The following RASIP1 variants were observed in gnomAD, a reference collection of about 807,000 sequenced individuals.
RASIP1 encodes the protein Ras interacting protein 1.
RASIP1 carries 20 observed loss-of-function variants against 85.3 expected under a neutral mutation model. The ratio of observed to expected loss-of-function variants is 0.23; its 90% CI spans 0.17 to 0.34. RASIP1 has a LOEUF of 0.34. Among genes scored for constraint, RASIP1 ranks in the 10% least tolerant of loss-of-function variants. The pLI, the probability that RASIP1 is intolerant of heterozygous loss-of-function variation, is 1.00. For missense variants in RASIP1, 1,170 were observed against 1,390.9 expected (o/e 0.84, Z 2.53); for synonymous variants, 617 against 647.1 (o/e 0.95, Z 0.71).
rs368475522 is a variant in RASIP1, at chr19:48,720,912, C to A, written c.2778G>T (p.Thr926=). 4.3e-6 allele frequency: 7 copies of A among 1,613,678 alleles called. No homozygotes were observed. In the African/African-American group the frequency reaches 9.3e-5, roughly 22 times the overall value. The part of the protein sequence containing the change: ...SSRLRLTGPV[T]DDALHRELRR... ...GGAGTTCACGGTGCAAGGCATCGTC[C>A]GTCACTGGACCAGTGAGGCGCAGGC... The change falls in exon 12 of 12, where the codon ACG becomes ACT. Residue 926 remains threonine (T), a synonymous_variant. Transcript: ENST00000222145.
intron 4 of RASIP1, among the ~76,000 whole-genome samples, chr19:48,731,390 C>T (rs1451185327): frequency 1.3e-5 from 2 of 152,100 alleles, no homozygotes; most frequent in Admixed American, 6.5e-5. Flanking sequence ...GAGATAACCC[C>T]CCTTCCATCA....
At chr19:48,723,105 C>CA (rs1167063497) in intron 10 of RASIP1, among the ~76,000 whole-genome samples, 2 of 152,044 alleles carry the variant, frequency 1.3e-5, no homozygotes, top group Non-Finnish European at 2.9e-5. Context: ...CAACTGGTGT[C>CA]AAACTCCTGG....
Position 48,729,355 on chromosome 19 carries a change from T to A in RASIP1, c.1415A>T (p.His472Leu). Reference sequence around the variant, plus strand: ...GCCCAGCCCCAGGAGGTCGCCCGGGTGCAGCTCAGCCTCCCGCAGCAGGAG... The same window carrying A: ...GCCCAGCCCCAGGAGGTCGCCCGGGAGCAGCTCAGCCTCCCGCAGCAGGAG... ...GCLLLREAEL[H>L]PGDLLGLGEH... Residue 472 changes from histidine to leucine, a missense_variant, in exon 5 of 12, where the codon CAC becomes CTC. This residue lies in a region of RASIP1 where 426 missense variants were observed against 576.2 expected (regional missense o/e 0.74). Transcript: ENST00000222145. 1 of 1,559,340 alleles carries A rather than the reference T, an allele frequency of 6.4e-7. No individual in the cohort carries two copies. The highest frequency in any genetic ancestry group is 1.2e-5 in the South Asian group (1 of 84,696).
chr19:48,734,485 T>G, intron 4 of RASIP1, among the ~76,000 whole-genome samples: 1 of 56,248 alleles, frequency 1.8e-5, no homozygotes, highest in South Asian at 6.2e-4. Flanking sequence ...GGCTTTTTTT[T>G]CTTTCTTTTT....
Position 48,740,323 on chromosome 19 carries a change from A to T in RASIP1, c.-4-37T>A, listed in dbSNP as rs1410173294. 1 of 1,541,566 alleles carries T rather than the reference A, an allele frequency of 6.5e-7. No individual in the cohort carries two copies. The highest frequency in any genetic ancestry group is 1.4e-5 in the African/African-American group (1 of 70,218). Reference sequence around the variant, plus strand: ...CGGGTAAGGCCCCAACTCCTAAGGCATTCTTGTGGGGATGGGGTGGAGGGA... The same window carrying T: ...CGGGTAAGGCCCCAACTCCTAAGGCTTTCTTGTGGGGATGGGGTGGAGGGA... On this transcript the variant is annotated intron_variant, in intron 1 of 11. Transcript: ENST00000222145. This position sits in a 1 kb window ranked among gnomAD's most constrained non-coding sequence, Gnocchi z 5.5.
At chr19:48,722,300 A>AT (rs71179038) in intron 10 of RASIP1, among the ~76,000 whole-genome samples, 8,635 of 98,330 alleles carry the variant, frequency 0.088, 657 homozygotes, top group South Asian at 0.19. Flanking sequence ...GTACTTGGGG[A>AT]TTTTTTTTTT....
chr19:48,727,488 T>C (rs1045164327), intron 5 of RASIP1, 58 bp from the exon 6 acceptor site: 26 of 1,550,054 alleles, frequency 1.7e-5, no homozygotes, highest in Non-Finnish European at 5.3e-6. Context: ...GGCTTAAGAG[T>C]TAATACCCTG....
chr19:48,733,471 G>A (rs1376545489), intron 4 of RASIP1, among the ~76,000 whole-genome samples: 1 of 152,166 alleles, frequency 6.6e-6, no homozygotes, highest in Non-Finnish European at 1.5e-5. Flanking sequence ...TCCATCAATA[G>A]TGGTCAAATT....
chr19:48,723,813 T>G (rs2033293423), intron 10 of RASIP1, among the ~76,000 whole-genome samples: 1 of 150,678 alleles, frequency 6.6e-6, no homozygotes, highest in South Asian at 2.1e-4. Context: ...CTTTTTTTTT[T>G]TTTTTTTTTC....
In RASIP1 at chr19:48,740,220, C is replaced by A; in HGVS notation, c.63G>T (p.Val21=). Residue 21 remains valine, a synonymous_variant, in exon 2 of 12, where the codon GTG becomes GTT. Transcript: ENST00000222145. This position sits in a 1 kb window ranked among gnomAD's most constrained non-coding sequence, Gnocchi z 5.5. ...TCCTGGGGGAATTGATCCACAGGCC[C>A]ACGGGGAGATGAAGCTTCCCGAAGC... The part of the protein sequence containing the change: ...SPRFGKLHLP[V]GLWINSPRKQ... 2 of 1,590,564 alleles carry A rather than the reference C, an allele frequency of 1.3e-6. No individual in the cohort carries two copies. The highest frequency in any genetic ancestry group is 1.7e-6 in the Non-Finnish European group (2 of 1,172,046).
intron 4 of RASIP1, among the ~76,000 whole-genome samples, chr19:48,731,660 C>T (rs2033460494): frequency 6.6e-6 from 1 of 152,206 alleles, no homozygotes; most frequent in Non-Finnish European, 1.5e-5. Context: ...TCTGAGACAA[C>T]AGGCATCTTG....
rs1568482027 is a variant in RASIP1, at chr19:48,735,343, C to T, written c.1032G>A (p.Gln344=). ...CCCCTGGGGCCATGCTAAGTGCCTGCTGTCTCCGCTCCTGCTGCCGCCGCC... is the reference window on the plus strand; with the variant it reads ...CCCCTGGGGCCATGCTAAGTGCCTGTTGTCTCCGCTCCTGCTGCCGCCGCC... ...GRRRRQQERR[Q]QALSMAPGAA... is the part of the protein sequence containing the mutation. Residue 344 remains glutamine (Q), a synonymous_variant, in exon 4 of 12, where the codon CAG becomes CAA. Coordinates refer to ENST00000222145, the MANE Select transcript of RASIP1 (RefSeq NM_017805.3). 1 of 1,613,400 alleles carries T rather than the reference C, an allele frequency of 6.2e-7. No individual in the cohort carries two copies.
rs1601263870 is a variant in RASIP1, at chr19:48,721,140, C to A, written c.2693-143G>T. On this transcript the variant is annotated intron_variant, in intron 11 of 11. Transcript: ENST00000222145. ...TCCTGGGGCGGGGTCCGTTCACACG[C>A]TACTCTAGGAGCCCCTGGGCATGAT... 1.2e-5 allele frequency: 8 copies of A among 678,302 alleles called. No individual in the cohort carries two copies. The East Asian group carries it at 2.2e-4, about 19-fold the overall frequency. 42.0% of individuals were successfully genotyped at this position (678,302 alleles called of 1,614,324 possible). A position where few individuals can be genotyped will look rare whatever the true frequency, so the allele number is the denominator to read the frequency against.
Position 48,727,142 on chromosome 19 carries a change from G to A in RASIP1, c.1888C>T (p.Pro630Ser). The change falls in exon 7 of 12, where the codon CCC becomes TCC. Residue 630 changes from proline to serine, a missense_variant. This residue lies in a region of RASIP1 where 426 missense variants were observed against 576.2 expected (regional missense o/e 0.74). Transcript: ENST00000222145. Reference sequence around the variant, plus strand: ...GCTTCAGGAGTCAGGGGCACCTCGGGGACCCCCTCAGGGTGGCTTGAAAAA... The same window carrying A: ...GCTTCAGGAGTCAGGGGCACCTCGGAGACCCCCTCAGGGTGGCTTGAAAAA... ...RQPENHPEGV[P>S]EVPLTPEAVS... 2 of 1,613,984 alleles carry A rather than the reference G, an allele frequency of 1.2e-6. No individual in the cohort carries two copies. The highest frequency in any genetic ancestry group is 1.7e-4 in the Middle Eastern group (1 of 5,914).
intron 6 of RASIP1, 104 bp from the exon 7 acceptor site, chr19:48,727,262 C>T (rs2033357873): frequency 4.5e-6 from 7 of 1,546,660 alleles, no homozygotes; most frequent in South Asian, 3.5e-5. Context: ...ACTCCCATTG[C>T]GCAGCTGGAA....
At chr19:48,732,456 G>A (rs919121741) in intron 4 of RASIP1, among the ~76,000 whole-genome samples, 2 of 151,690 alleles carry the variant, frequency 1.3e-5, no homozygotes, top group African/African-American at 4.8e-5. Context: ...GGGTTTCACC[G>A]TGTTAGCCAG....
chr19:48,722,927 C>G (rs905138145), intron 10 of RASIP1, among the ~76,000 whole-genome samples: 11 of 152,148 alleles, frequency 7.2e-5, no homozygotes, highest in African/African-American at 2.4e-4. Flanking sequence ...GCTTTGTCAC[C>G]CATGCTGGAG....
intron 10 of RASIP1, among the ~76,000 whole-genome samples, chr19:48,723,123 C>T (rs976235644): frequency 6.6e-6 from 1 of 152,122 alleles, no homozygotes. Context: ...TGGGCTCAAG[C>T]GGTCCTTCCA....
At chr19:48,732,969 T>C (rs2122461719) in intron 4 of RASIP1, among the ~76,000 whole-genome samples, 1 of 152,374 alleles carries the variant, frequency 6.6e-6, no homozygotes, top group South Asian at 2.1e-4. Flanking sequence ...TTAGCTTGGC[T>C]GTACCATTGT....
Sources: allele counts gnomAD v4.1 joint callset (sites outside exome capture counted in the v4.1 genomes callset), GRCh38; gene constraint gnomAD v4.1.1; regional missense constraint gnomAD v4.1.1; non-coding constraint Gnocchi (gnomAD v3.1); transcripts MANE v1.5; gene names NCBI Gene and HGNC (gene_info 2026-07-23, HGNC 2026-07-21).